The following ARHGEF17 variants were observed in gnomAD, a reference collection of about 807,000 sequenced individuals.
The protein encoded by ARHGEF17 is 164 kDa Rho-specific guanine-nucleotide exchange factor.
A neutral mutation model predicts 174.0 loss-of-function variants in ARHGEF17; 80 were observed. The observed-to-expected ratio is 0.46, with a 90% CI of 0.38 to 0.55. The LOEUF is 0.55. Ranked by LOEUF, ARHGEF17 falls within the 20% of genes least tolerant of loss-of-function variation. ARHGEF17 has a pLI of 0.00. For missense variants in ARHGEF17, 2,886 were observed against 2,839.7 expected (o/e 1.02, Z -0.37); for synonymous variants, 1,311 against 1,189.1 (o/e 1.10, Z -2.11).
In ARHGEF17 at chr11:73,309,782, G is replaced by C; in HGVS notation, c.1144G>C (p.Ala382Pro). 4 of 1,612,966 alleles carry C rather than the reference G, an allele frequency of 2.5e-6. No individual in the cohort carries two copies. The South Asian group carries it at 3.3e-5, about 13-fold the overall frequency. The change falls in exon 1 of 21, where the codon GCC (alanine) becomes CCC (proline). Residue 382 changes from alanine (A) to proline (P), a missense_variant. Transcript: ENST00000263674. ...CAAGGTGAGCTTTCCCTCGTACCTG[G>C]CCAGCCCCGCAGGCTCCCGCGGTAG... ...VAKVSFPSYL[A>P]SPAGSRGSSR...
At chr11:73,320,330 ATTG>A (rs1864995936) in intron 1 of ARHGEF17, among the ~76,000 whole-genome samples, 1 of 151,968 alleles carries the variant, frequency 6.6e-6, no homozygotes, top group Non-Finnish European at 1.5e-5. Context: ...ACAGAGGATT[ATTG>A]TTAAGATTAT....
intron 20 of ARHGEF17, among the ~76,000 whole-genome samples, chr11:73,367,037 C>T (rs532324515): frequency 6.6e-6 from 1 of 151,640 alleles, no homozygotes; most frequent in African/African-American, 2.4e-5. Context: ...AGCAAAATTC[C>T]GTCTCAAAAA....
At chr11:73,364,103 TC>T in intron 16 of ARHGEF17, 68 bp from the exon 17 acceptor site, 1 of 1,495,544 alleles carries the variant, frequency 6.7e-7, no homozygotes, top group South Asian at 1.1e-5. Flanking sequence ...TATCTGTGGT[TC>T]CCCTGGTCCT....
chr11:73,340,045 A>T (rs1469774627), intron 1 of ARHGEF17, among the ~76,000 whole-genome samples: 1 of 152,192 alleles, frequency 6.6e-6, no homozygotes, highest in Admixed American at 6.5e-5. Context: ...ACCAACCTGC[A>T]TAGGGGTACC....
chr11:73,364,351 C>T (rs1350004478), intron 17 of ARHGEF17, 101 bp from the exon 18 acceptor site: 1 of 1,603,360 alleles, frequency 6.2e-7, no homozygotes, highest in East Asian at 2.2e-5. Flanking sequence ...GCCTTGGTTT[C>T]TTTGCTTATA....
Position 73,309,087 on chromosome 11 carries a change from C to T in ARHGEF17, c.449C>T (p.Thr150Met). 1 of 1,532,628 alleles carries T rather than the reference C, an allele frequency of 6.5e-7. No individual in the cohort carries two copies. Among genetic ancestry groups the T allele is most frequent in the South Asian group, 1.2e-5 (1 of 83,320 alleles). 94.9% of individuals were successfully genotyped at this position (1,532,628 alleles called of 1,614,324 possible). Residue 150 changes from threonine to methionine, a missense_variant, in exon 1 of 21, where the codon ACG (threonine) becomes ATG (methionine). Physicochemically the swap from Thr to Met is moderately conservative, Grantham distance 81. This residue lies in a region of ARHGEF17 where 1,728 missense variants were observed against 1,461.2 expected (regional missense o/e 1.18). Transcript: ENST00000263674. ...RPSADSESPG[T>M]PSPDGAAWEP... Reference sequence around the variant, plus strand: ...AGCGCCGACTCTGAATCCCCAGGAACGCCCAGCCCCGACGGTGCCGCGTGG... The same window carrying T: ...AGCGCCGACTCTGAATCCCCAGGAATGCCCAGCCCCGACGGTGCCGCGTGG...
In ARHGEF17 at chr11:73,309,107, G is replaced by A. The variant is rs779572090; in HGVS notation, c.469G>A (p.Ala157Thr). The change falls in exon 1 of 21, where the codon GCG becomes ACG. Residue 157 changes from alanine (A) to threonine (T), a missense_variant. Ala to Thr is a moderately conservative substitution (Grantham distance 58). Transcript: ENST00000263674. ...AGGAACGCCCAGCCCCGACGGTGCC[G>A]CGTGGGAGCCTCCGGCTCGGGAGTC... Reference protein sequence around the residue: ...SPGTPSPDGAAWEPPARESRQ... With the variant: ...SPGTPSPDGATWEPPARESRQ... The A allele has an allele frequency of 6.4e-7, 1 of 1,560,256 alleles. No homozygotes were observed. Among genetic ancestry groups the A allele is most frequent in the Non-Finnish European group, 8.6e-7 (1 of 1,156,080 alleles).
Position 73,363,449 on chromosome 11 carries a change from A to T in ARHGEF17, c.5240A>T (p.Asp1747Val). The T allele has an allele frequency of 6.2e-7, 1 of 1,612,126 alleles. No homozygotes were observed. Among genetic ancestry groups the T allele is most frequent in the Non-Finnish European group, 8.5e-7 (1 of 1,179,160 alleles). ...AGCTCCGTGTGGCTGGGCACTGAGG[A>T]TGGCTGGTAGGGACAGGGGAGGGAC... ...YQSSVWLGTE[D>V]GCVHVYQSSD... Residue 1747 changes from aspartate (D) to valine (V), a missense_variant, in exon 15 of 21, where the codon GAT (aspartate) becomes GTT (valine). Asp to Val is a radical substitution (Grantham distance 152, BLOSUM62 -3). Around this residue, in one of 4 missense-constraint regions of ARHGEF17, gnomAD observed 329 missense variants for 435.2 expected, o/e 0.76. Coordinates refer to ENST00000263674, the MANE Select transcript of ARHGEF17 (RefSeq NM_014786.4).
At position 73,309,708 on chromosome 11, in the gene ARHGEF17, A is replaced by G; in HGVS notation, c.1070A>G (p.Glu357Gly). 9 of 1,612,978 alleles carry G rather than the reference A, an allele frequency of 5.6e-6. No homozygotes were observed. Among genetic ancestry groups the G allele is most frequent in the Non-Finnish European group, 7.6e-6 (9 of 1,179,956 alleles). Residue 357 changes from glutamate (E) to glycine (G), a missense_variant, in exon 1 of 21, where the codon GAG (glutamate) becomes GGG (glycine). Coordinates refer to ENST00000263674, the MANE Select transcript of ARHGEF17 (RefSeq NM_014786.4). ...CCGCCCTGCGTCCCAGGTCCCCAGGAGGGACTTCGGCCTATGTCTGACTCT... is the reference window on the plus strand; with the variant it reads ...CCGCCCTGCGTCCCAGGTCCCCAGGGGGGACTTCGGCCTATGTCTGACTCT... Reference protein sequence around the residue: ...GSPPCVPGPQEGLRPMSDSVG... With the variant: ...GSPPCVPGPQGGLRPMSDSVG...
chr11:73,363,962 C>A, intron 16 of ARHGEF17, 129 bp downstream of exon 16: 2 of 1,163,054 alleles, frequency 1.7e-6, no homozygotes, highest in Non-Finnish European at 2.5e-6. Flanking sequence ...AGAGGCCTGG[C>A]CCTAGGCTAG....
At position 73,308,855 on chromosome 11, in the gene ARHGEF17, C is replaced by A; in HGVS notation, c.217C>A (p.Arg73Ser). ...SGPLAAPAQP[R>S]PLRSLSPSVR... is the part of the protein sequence containing the mutation. ...GCCCCTGGCCGCCCCCGCGCAGCCG[C>A]GCCCGCTCCGCAGCCTCTCGCCGTC... Residue 73 changes from arginine (R) to serine (S), a missense_variant, in exon 1 of 21, where the codon CGC becomes AGC. Coordinates refer to ENST00000263674, the MANE Select transcript of ARHGEF17 (RefSeq NM_014786.4). The A allele has an allele frequency of 1.5e-6, 2 of 1,345,068 alleles. No homozygotes were observed. Among genetic ancestry groups the A allele is most frequent in the South Asian group, 1.9e-5 (1 of 52,386 alleles). 83.3% of individuals were successfully genotyped at this position (1,345,068 alleles called of 1,614,324 possible).
chr11:73,320,628 CAAAA>C (rs1165583721), intron 1 of ARHGEF17, among the ~76,000 whole-genome samples: 1 of 57,708 alleles, frequency 1.7e-5, no homozygotes. Flanking sequence ...GACTCCGTCT[CAAAA>C]AAAAAAAAAA....
intron 1 of ARHGEF17, among the ~76,000 whole-genome samples, chr11:73,345,435 A>G (rs1392205326): frequency 1.3e-5 from 2 of 152,070 alleles, no homozygotes; most frequent in Non-Finnish European, 2.9e-5. Context: ...ATTATAGGAC[A>G]CTGTGGGGAC....
intron 1 of ARHGEF17, among the ~76,000 whole-genome samples, chr11:73,334,029 T>C (rs6592519): frequency 0.31 from 46,848 of 152,160 alleles, 9,474 homozygotes; most frequent in African/African-American, 0.58. Context: ...TAACTGTGGG[T>C]CAGTCTCTGT....
rs1183579777 is a variant in ARHGEF17, at chr11:73,364,326, C to T, written c.5401+87C>T. 5 of 1,602,996 alleles carry T rather than the reference C, an allele frequency of 3.1e-6. No individual in the cohort carries two copies. In the East Asian group the frequency reaches 8.9e-5, roughly 29 times the overall value. ...CTGGAGATGTGGCTTTGGGCAACTC[C>T]CAGGCCCTCTGTGGGCCTTGGTTTC... is the stretch of plus-strand genomic sequence containing the variant. On this transcript the variant is annotated intron_variant, in intron 17 of 20. Transcript: ENST00000263674.
At chr11:73,366,086 A>G (rs1865832631) in intron 20 of ARHGEF17, 139 bp downstream of exon 20, 2 of 1,146,744 alleles carry the variant, frequency 1.7e-6, no homozygotes, top group South Asian at 3.2e-5. Context: ...CAGGAAATAC[A>G]CCACGGAAGT....
chr11:73,309,165 G>A lies in ARHGEF17; in HGVS notation c.527G>A (p.Cys176Tyr), dbSNP rs1864753730. 2 of 1,591,110 alleles carry A rather than the reference G, an allele frequency of 1.3e-6. No individual in the cohort carries two copies. The highest frequency in any genetic ancestry group is 1.1e-5 in the South Asian group (1 of 89,248). The change falls in exon 1 of 21, where the codon TGC becomes TAC. Residue 176 changes from cysteine to tyrosine, a missense_variant. Cys to Tyr is a radical substitution (Grantham distance 194, BLOSUM62 -2). Transcript: ENST00000263674. Reference protein sequence around the residue: ...RQPPTPPPRTCFPLAGLRSAR... With the variant: ...RQPPTPPPRTYFPLAGLRSAR... ...CCACCGACGCCACCCCCTCGGACAT[G>A]CTTCCCCCTGGCGGGTCTGCGTTCG...
chr11:73,349,749 C>G (rs538365379), intron 2 of ARHGEF17, among the ~76,000 whole-genome samples: 1 of 152,330 alleles, frequency 6.6e-6, no homozygotes, highest in African/African-American at 2.4e-5. Flanking sequence ...GCCAAATCTC[C>G]CAGACCCGTC....
Position 73,363,761 on chromosome 11 carries a change from A to C in ARHGEF17, c.5261A>C (p.Gln1754Pro). 1 of 1,614,042 alleles carries C rather than the reference A, an allele frequency of 6.2e-7. No individual in the cohort carries two copies. The highest frequency in any genetic ancestry group is 8.5e-7 in the Non-Finnish European group (1 of 1,180,010). The change falls in exon 16 of 21, where the codon CAG becomes CCG. Residue 1754 changes from glutamine (Q) to proline (P), a missense_variant. Transcript: ENST00000263674. ...GTEDGCVHVY[Q>P]SSDSIRDRRN... ...CCGATCCACAGTGTCCACGTGTACCAGTCCTCCGACAGCATCCGTGACCGC... is the reference window on the plus strand; with the variant it reads ...CCGATCCACAGTGTCCACGTGTACCCGTCCTCCGACAGCATCCGTGACCGC...
Sources: gnomAD v4.1 joint callset for allele counts (sites outside exome capture counted in the v4.1 genomes callset) on GRCh38, gnomAD v4.1.1 for gene constraint, gnomAD v4.1.1 regional missense constraint, MANE v1.5 for transcripts, NCBI Gene and HGNC (gene_info 2026-07-23, HGNC 2026-07-21) for gene names.